Variants in FDX1 observed in about 807,000 individuals in gnomAD.
FDX1 encodes the protein ferredoxin 1, also known as adrenodoxin, mitochondrial.
Under a neutral mutation model 14.9 loss-of-function variants are expected in FDX1, and 9 were observed. The ratio of observed to expected loss-of-function variants is 0.60; its 90% CI spans 0.36 to 1.05. FDX1 has a LOEUF of 1.05. Among genes scored for constraint, FDX1 ranks in the 50% least tolerant of loss-of-function variants. The probability of loss-of-function intolerance (pLI) is 0.01; values close to 1 mark genes in which losing one functional copy is unlikely to be tolerated. For missense variants in FDX1, 204 were observed against 237.2 expected (o/e 0.86, Z 0.92); for synonymous variants, 92 against 99.4 (o/e 0.93, Z 0.44).
chr11:110,455,294 C>A (rs1200599185), intron 2 of FDX1, among the ~76,000 whole-genome samples: 2 of 151,984 alleles, frequency 1.3e-5, no homozygotes, highest in Admixed American at 1.3e-4. Context: ...GCCACCGTGC[C>A]CGGCCTGTTT....
At chr11:110,441,921 G>A (rs546370241) in intron 2 of FDX1, among the ~76,000 whole-genome samples, 2 of 152,286 alleles carry the variant, frequency 1.3e-5, no homozygotes, top group African/African-American at 2.4e-5. Context: ...TGGGCCCAGG[G>A]CCCCCTTGCT....
At chr11:110,438,899 CTTTG>C (rs1265485660) in intron 2 of FDX1, among the ~76,000 whole-genome samples, 2 of 151,658 alleles carry the variant, frequency 1.3e-5, no homozygotes, top group Non-Finnish European at 2.9e-5. Flanking sequence ...AGGGTGTTTA[CTTTG>C]TTTTTTTGTT....
At chr11:110,452,613 A>T (rs1197592164) in intron 2 of FDX1, among the ~76,000 whole-genome samples, 2 of 152,072 alleles carry the variant, frequency 1.3e-5, no homozygotes, top group Non-Finnish European at 2.9e-5. Flanking sequence ...AAAATGAGGC[A>T]AAGTTAAAAA....
Position 110,439,507 on chromosome 11 carries a change from C to T in FDX1, c.310+3549C>T, listed in dbSNP as rs563798782. Reference sequence around the variant, plus strand: ...CAGGTGTGAGCCACCACACCCGGCCCTCTGCCCACTTTTTAATGAGGTTAT... The same window carrying T: ...CAGGTGTGAGCCACCACACCCGGCCTTCTGCCCACTTTTTAATGAGGTTAT... On this transcript the variant is annotated intron_variant, in intron 2 of 3. Coordinates refer to ENST00000260270, the MANE Select transcript of FDX1 (RefSeq NM_004109.5). Among the ~76,000 whole-genome samples, 24 of 152,198 alleles carry T rather than the reference C, an allele frequency of 1.6e-4. No individual in the cohort carries two copies. In the East Asian group the frequency reaches 4.6e-3, roughly 29 times the overall value.
intron 2 of FDX1, among the ~76,000 whole-genome samples, chr11:110,436,806 C>T (rs750402128): frequency 1.3e-4 from 20 of 152,028 alleles, no homozygotes; most frequent in Non-Finnish European, 2.2e-4. Context: ...TATCTCTCTT[C>T]TGTTTTCCCA....
intron 3 of FDX1, among the ~76,000 whole-genome samples, 176 bp from the exon 4 acceptor site, chr11:110,462,178 T>TA (rs1946560497): frequency 6.6e-6 from 1 of 152,220 alleles, no homozygotes; most frequent in Non-Finnish European, 1.5e-5. Context: ...TACCTTTTGT[T>TA]ATTCTCTAGT....
At chr11:110,439,770 G>A (rs144654477) in intron 2 of FDX1, among the ~76,000 whole-genome samples, 1 of 152,098 alleles carries the variant, frequency 6.6e-6, no homozygotes, top group Non-Finnish European at 1.5e-5. Context: ...TTCCAGGAGA[G>A]CATTTCTGAG....
At chr11:110,438,716 T>C (rs1485340296) in intron 2 of FDX1, among the ~76,000 whole-genome samples, 1 of 152,086 alleles carries the variant, frequency 6.6e-6, no homozygotes, top group Non-Finnish European at 1.5e-5. Flanking sequence ...ATCTGCCTAC[T>C]TCGGCCTCCC....
chr11:110,451,450 G>A (rs1417223737), intron 2 of FDX1, among the ~76,000 whole-genome samples: 1 of 152,052 alleles, frequency 6.6e-6, no homozygotes, highest in African/African-American at 2.4e-5. Context: ...GATGTGGTGA[G>A]GTTACAGAGA....
At chr11:110,450,120 G>T (rs375926223) in intron 2 of FDX1, among the ~76,000 whole-genome samples, 1 of 152,144 alleles carries the variant, frequency 6.6e-6, no homozygotes, top group African/African-American at 2.4e-5. Context: ...CATGGGCAAG[G>T]TTGGGGTGGG....
rs191460620 is a variant in FDX1, at chr11:110,437,050, C to T, written c.310+1092C>T. On this transcript the variant is annotated intron_variant, in intron 2 of 3. Coordinates refer to ENST00000260270, the MANE Select transcript of FDX1 (RefSeq NM_004109.5). Reference sequence around the variant, plus strand: ...TTGCTCTGTCACCCAGGCTGAAGTGCGGTCGTGCAATCACAGTTCACTGCA... The same window carrying T: ...TTGCTCTGTCACCCAGGCTGAAGTGTGGTCGTGCAATCACAGTTCACTGCA... Among the ~76,000 whole-genome samples the T allele has an allele frequency of 4.1e-3, 619 of 152,270 alleles. 2 individuals carry two copies. Among genetic ancestry groups the T allele is most frequent in the Non-Finnish European group, 7.6e-3 (519 of 68,016 alleles).
intron 3 of FDX1, among the ~76,000 whole-genome samples, chr11:110,457,632 C>A (rs1258583261): frequency 6.6e-6 from 1 of 151,942 alleles, no homozygotes; most frequent in East Asian, 1.9e-4. Context: ...ATGAAGGTAG[C>A]TAGCTGATAT....
At chr11:110,443,632 C>T (rs902792059) in intron 2 of FDX1, among the ~76,000 whole-genome samples, 2 of 151,802 alleles carry the variant, frequency 1.3e-5, no homozygotes, top group Non-Finnish European at 2.9e-5. Flanking sequence ...TTAGCAGAGA[C>T]GGGGTTTCAC....
rs1019298198 is a variant in FDX1 at position 110,464,697 on chromosome 11, T to C, written c.*2229T>C. 1.3e-5 allele frequency: 2 copies of C among 152,226 alleles called. No individual in the cohort carries two copies. The highest frequency in any genetic ancestry group is 1.5e-5 in the Non-Finnish European group (1 of 68,042). 9.4% of individuals were successfully genotyped at this position (152,226 alleles called of 1,614,324 possible). On this transcript the variant is annotated 3_prime_UTR_variant, in exon 4 of 4. Transcript: ENST00000260270. ...ATTCTCTTAATTAGCTTCATTATTC[T>C]TGTCTTTGTGTGTGGATTACCTAAA...
chr11:110,444,748 G>GTATA lies in FDX1; in HGVS notation c.310+8806_310+8809dup, dbSNP rs538386755. Among the ~76,000 whole-genome samples the GTATA allele has an allele frequency of 1.6e-3, 48 of 29,836 alleles. 1 individual carries two copies. The East Asian group carries it at 0.019, about 12-fold the overall frequency. The allele number at this position is 29,836 out of a possible 152,430, so 19.6% of individuals were successfully genotyped here. A position where few individuals can be genotyped will look rare whatever the true frequency, so the allele number is the denominator to read the frequency against. ...CGTATATATATATATATATATACACGTATATATATATATATATATTTGCAG... is the reference window on the plus strand; with the variant it reads ...CGTATATATATATATATATATACACGTATATATATATATATATATATATTTGCAG... On this transcript the variant is annotated intron_variant, in intron 2 of 3. Transcript: ENST00000260270.
rs566109534 is a variant in FDX1 at position 110,453,098 on chromosome 11, A to C, written c.311-3820A>C. On this transcript the variant is annotated intron_variant, in intron 2 of 3. Coordinates refer to ENST00000260270, the MANE Select transcript of FDX1 (RefSeq NM_004109.5). ...ACGCCTGTAACCTCAGCACTTTGGG[A>C]GGCTGAGGCAGGCAGATCACCTGAG... 4.6e-5 allele frequency among the ~76,000 whole-genome samples: 7 copies of C among 152,324 alleles called. No individual in the cohort carries two copies. In the East Asian group the frequency reaches 1.3e-3, roughly 29 times the overall value.
intron 2 of FDX1, among the ~76,000 whole-genome samples, chr11:110,454,014 G>T (rs1359236628): frequency 6.6e-6 from 1 of 152,142 alleles, no homozygotes; most frequent in African/African-American, 2.4e-5. Flanking sequence ...GTTCGAAAAG[G>T]ACCATAAAAT....
intron 2 of FDX1, among the ~76,000 whole-genome samples, chr11:110,453,005 G>T (rs918695239): frequency 1.3e-5 from 2 of 152,212 alleles, no homozygotes; most frequent in African/African-American, 4.8e-5. Context: ...TGTACCCTCA[G>T]TGTGGTGGTG....
chr11:110,445,598 C>T (rs1397825529), intron 2 of FDX1, among the ~76,000 whole-genome samples: 1 of 152,108 alleles, frequency 6.6e-6, no homozygotes, highest in East Asian at 1.9e-4. Context: ...AAATGAAATT[C>T]GTACTGTGAG....
Sources: allele counts gnomAD v4.1 joint callset (sites outside exome capture counted in the v4.1 genomes callset), GRCh38; gene constraint gnomAD v4.1.1; transcripts MANE v1.5; gene names NCBI Gene and HGNC (gene_info 2026-07-23, HGNC 2026-07-21).